The following UNC13C variants were observed in gnomAD, a reference collection of about 807,000 sequenced individuals.
UNC13C encodes the protein unc-13 homolog C.
UNC13C carries 174 observed loss-of-function variants against 245.4 expected under a neutral mutation model. The ratio of observed to expected loss-of-function variants is 0.71; its 90% CI spans 0.63 to 0.80. The LOEUF is 0.80. UNC13C is among the 30% of genes least tolerant of loss of function. The probability of loss-of-function intolerance (pLI) is 0.00; values close to 1 mark genes in which losing one functional copy is unlikely to be tolerated. For synonymous variants in UNC13C, 992 were observed against 895.1 expected, an observed-to-expected ratio of 1.11 and a Z score of -1.93; for missense variants, 2,829 against 2,602.9, an observed-to-expected ratio of 1.09 and a Z score of -1.89.
At chr15:54,601,515 G>A (rs1025454093) in intron 30 of UNC13C, among the ~76,000 whole-genome samples, 1 of 152,140 alleles carries the variant, frequency 6.6e-6, no homozygotes, top group Non-Finnish European at 1.5e-5. Context: ...CACAAAATGT[G>A]GGCAAAGTGG....
chr15:54,154,930 C>A (rs1329470679), intron 4 of UNC13C, among the ~76,000 whole-genome samples: 1 of 152,164 alleles, frequency 6.6e-6, no homozygotes, highest in African/African-American at 2.4e-5. Flanking sequence ...TTTGTAAATA[C>A]TAAGTTTCCT....
At chr15:54,439,355 G>A (rs1253516190) in intron 19 of UNC13C, among the ~76,000 whole-genome samples, 4 of 151,958 alleles carry the variant, frequency 2.6e-5, no homozygotes, top group African/African-American at 4.8e-5. Flanking sequence ...TTTCGACTAT[G>A]TAATCTAGAG....
intron 30 of UNC13C, among the ~76,000 whole-genome samples, chr15:54,574,573 CCT>C (rs1294403919): frequency 6.6e-6 from 1 of 152,118 alleles, no homozygotes; most frequent in Non-Finnish European, 1.5e-5. Context: ...GCTGAGCCAT[CCT>C]CTGTTTCCTT....
At chr15:54,003,942 G>T (rs2263911) in intron 1 of UNC13C, among the ~76,000 whole-genome samples, 55,358 of 151,826 alleles carry the variant, frequency 0.36, 10,619 homozygotes, top group South Asian at 0.49. Flanking sequence ...ACCTGGAAGG[G>T]GCAGCTTGCA....
At chr15:54,325,189 T>G (rs1253401596) in intron 14 of UNC13C, among the ~76,000 whole-genome samples, 1 of 151,962 alleles carries the variant, frequency 6.6e-6, no homozygotes, top group Non-Finnish European at 1.5e-5. Context: ...GCAGTGCCCA[T>G]GATAATAATA....
intron 4 of UNC13C, among the ~76,000 whole-genome samples, chr15:54,234,058 A>T (rs1173682361): frequency 6.6e-6 from 1 of 152,174 alleles, no homozygotes; most frequent in African/African-American, 2.4e-5. Context: ...TTTAATTGCA[A>T]AATAATACAT....
chr15:54,465,989 A>G (rs1313009787), intron 19 of UNC13C, among the ~76,000 whole-genome samples: 1 of 152,066 alleles, frequency 6.6e-6, no homozygotes, highest in African/African-American at 2.4e-5. Context: ...CTGTATACAC[A>G]GTGGAATATT....
At chr15:54,079,652 A>G (rs1595821169) in intron 2 of UNC13C, among the ~76,000 whole-genome samples, 1 of 152,140 alleles carries the variant, frequency 6.6e-6, no homozygotes, top group African/African-American at 2.4e-5. Context: ...ATTTTTGTGC[A>G]TTAATTTTGT....
At chr15:54,466,047 C>T (rs72736522) in intron 19 of UNC13C, among the ~76,000 whole-genome samples, 18,923 of 151,754 alleles carry the variant, frequency 0.12, 1,297 homozygotes, top group Non-Finnish European at 0.16. Flanking sequence ...GCAACATGGA[C>T]GGAACTGAAG....
At chr15:53,881,304 A>T in the UNC13C span, among the ~76,000 whole-genome samples, 1 of 152,184 alleles carries the variant, frequency 6.6e-6, no homozygotes, top group Non-Finnish European at 1.5e-5. Flanking sequence ...GGAGTGTTAG[A>T]GCTGGAAATT....
At chr15:54,144,982 G>T (rs976625668) in intron 4 of UNC13C, among the ~76,000 whole-genome samples, 4 of 151,532 alleles carry the variant, frequency 2.6e-5, no homozygotes, top group Non-Finnish European at 5.9e-5. Flanking sequence ...AACCAAGACC[G>T]GGTTTTGCCA....
intron 17 of UNC13C, among the ~76,000 whole-genome samples, chr15:54,363,847 T>C (rs914818563): frequency 6.6e-6 from 1 of 152,218 alleles, no homozygotes; most frequent in East Asian, 1.9e-4. Context: ...TAAAGTCTAA[T>C]GTCTTAAATA....
intron 11 of UNC13C, among the ~76,000 whole-genome samples, chr15:54,296,048 G>C (rs2037419986): frequency 6.6e-6 from 1 of 152,104 alleles, no homozygotes; most frequent in South Asian, 2.1e-4. Flanking sequence ...TGGTGTCCAA[G>C]CAGAGCCTGC....
chr15:53,837,765 C>A, the UNC13C span, among the ~76,000 whole-genome samples: 1 of 152,142 alleles, frequency 6.6e-6, no homozygotes, highest in Non-Finnish European at 1.5e-5. Flanking sequence ...TCCCATTTCA[C>A]TTTTTACATG....
chr15:53,971,153 T>C, the UNC13C span, among the ~76,000 whole-genome samples: 2 of 152,202 alleles, frequency 1.3e-5, no homozygotes, highest in Non-Finnish European at 2.9e-5. Flanking sequence ...TTGTATATCT[T>C]CTTTTGAGAA....
downstream of UNC13C, chr15:54,632,369 T>C (rs1901471013): frequency 6.6e-6 from 1 of 152,356 alleles, no homozygotes; most frequent in South Asian, 2.1e-4. Context: ...TTTTCTCTTT[T>C]ATAGATCATA....
chr15:54,511,493 TA>T (rs1894736695), intron 23 of UNC13C, among the ~76,000 whole-genome samples: 1 of 152,266 alleles, frequency 6.6e-6, no homozygotes, highest in South Asian at 2.1e-4. Flanking sequence ...ATGTTAAAGA[TA>T]AAAGAAACTT....
intron 18 of UNC13C, 144 bp from the exon 19 acceptor site, chr15:54,414,838 C>T (rs1021634478): frequency 4.2e-5 from 21 of 498,312 alleles, no homozygotes; most frequent in African/African-American, 1.6e-4. Context: ...TTTTTACTTA[C>T]GAAAGTTCAT....
At chr15:54,631,122 G>C (rs536225480), downstream of UNC13C, 16 of 152,276 alleles carry the variant, frequency 1.1e-4, no homozygotes, top group African/African-American at 3.9e-4. Flanking sequence ...AGACAGGCAG[G>C]TTGCTTTGAG....
Sources: allele counts gnomAD v4.1 joint callset (sites outside exome capture counted in the v4.1 genomes callset), GRCh38; gene constraint gnomAD v4.1.1; transcripts MANE v1.5; gene names NCBI Gene and HGNC (gene_info 2026-07-23, HGNC 2026-07-21).